Variants in IRF2 observed in about 807,000 individuals in gnomAD.
IRF2 encodes the protein interferon regulatory factor 2.
Under a neutral mutation model 40.6 loss-of-function variants are expected in IRF2, and 15 were observed. The observed-to-expected ratio is 0.37, with a 90% CI of 0.25 to 0.57. IRF2 has a LOEUF of 0.57. Among genes scored for constraint, IRF2 ranks in the 20% least tolerant of loss-of-function variants. The probability of loss-of-function intolerance (pLI) is 0.77; values close to 1 mark genes in which losing one functional copy is unlikely to be tolerated. For synonymous variants in IRF2, 151 were observed against 165.5 expected (o/e 0.91, Z 0.67); for missense variants, 317 against 455.7 (o/e 0.70, Z 2.77).
In IRF2 at chr4:184,431,628, G is replaced by C. The variant is rs376990464; in HGVS notation, c.-6-2558C>G. 2.6e-4 allele frequency among the ~76,000 whole-genome samples: 39 copies of C among 152,214 alleles called. 1 individual carries two copies. The highest frequency in any genetic ancestry group is 9.2e-4 in the African/African-American group (38 of 41,530). On this transcript the variant is annotated intron_variant, in intron 1 of 8. Transcript: ENST00000393593. ...CAAGAAAATAGAGGGAAGAGCGAGGGAAGAGTAGTTACAGGATAGGGGTAG... is the reference window on the plus strand; with the variant it reads ...CAAGAAAATAGAGGGAAGAGCGAGGCAAGAGTAGTTACAGGATAGGGGTAG...
At chr4:184,390,976 C>T (rs1244240575) in intron 7 of IRF2, among the ~76,000 whole-genome samples, 1 of 152,240 alleles carries the variant, frequency 6.6e-6, no homozygotes, top group Non-Finnish European at 1.5e-5. Flanking sequence ...CAGGGCCGGG[C>T]TGTGTATACA....
intron 1 of IRF2, among the ~76,000 whole-genome samples, chr4:184,470,699 A>G (rs1039726100): frequency 2.2e-5 from 3 of 136,296 alleles, no homozygotes; most frequent in East Asian, 2.2e-4. Context: ...CAAAAAAAAA[A>G]AAAAAGAAAA....
At chr4:184,468,505 G>T (rs1739409357) in intron 1 of IRF2, among the ~76,000 whole-genome samples, 1 of 152,038 alleles carries the variant, frequency 6.6e-6, no homozygotes, top group African/African-American at 2.4e-5. Context: ...AAAAAAAAAG[G>T]AAAATTCAAT....
rs1205374737 is a variant in IRF2, at chr4:184,399,006, T to C, written c.603A>G (p.Gln201=). ...CGCTCTCAGTGGTCACCTCTACAAC[T>C]TGGCAAATGTCTGGCGGATTGGTGA... ...EIVTNPPDIC[Q]VVEVTTESDE... The change falls in exon 7 of 9, where the codon CAA becomes CAG. Residue 201 remains glutamine, a synonymous_variant. Transcript: ENST00000393593. 1 of 1,613,674 alleles carries C rather than the reference T, an allele frequency of 6.2e-7. No homozygotes were observed. Among genetic ancestry groups the C allele is most frequent in the Non-Finnish European group, 8.5e-7 (1 of 1,179,880 alleles).
intron 6 of IRF2, among the ~76,000 whole-genome samples, chr4:184,404,828 C>T (rs1736792436): frequency 1.3e-5 from 2 of 152,162 alleles, no homozygotes; most frequent in Non-Finnish European, 2.9e-5. Context: ...ATACACCTCA[C>T]CAGGGTGACA....
chr4:184,449,726 C>A lies in IRF2; in HGVS notation c.-6-20656G>T, dbSNP rs1248809595. ...AATGCTTTAAATGACTTTAGGTTTT[C>A]AAGATACAATCTGGAATGTTGTTTA... On this transcript the variant is annotated intron_variant, in intron 1 of 8. Coordinates refer to ENST00000393593, the MANE Select transcript of IRF2 (RefSeq NM_002199.4). 1.2e-4 allele frequency among the ~76,000 whole-genome samples: 18 copies of A among 152,184 alleles called. 2 individuals are homozygous for A. Among genetic ancestry groups the A allele is most frequent in the Admixed American group, 1.2e-3 (18 of 15,282 alleles).
chr4:184,407,167 A>G (rs1213959593), intron 6 of IRF2: 3 of 1,287,996 alleles, frequency 2.3e-6, no homozygotes, highest in African/African-American at 3.0e-5. Context: ...ATACAAAAAA[A>G]GCACTGCTAA....
At chr4:184,389,141 C>G (rs374328136) in intron 8 of IRF2, 75 bp from the exon 9 acceptor site, 11 of 1,433,290 alleles carry the variant, frequency 7.7e-6, no homozygotes, top group Non-Finnish European at 1.1e-5. Flanking sequence ...CATCACTGGC[C>G]AGGTGTGGTG....
At position 184,390,776 on chromosome 4, in the gene IRF2, C is replaced by T. The variant is rs776858298; in HGVS notation, c.695-27G>A. On this transcript the variant is annotated intron_variant, in intron 7 of 8. Transcript: ENST00000393593. ...TGTTCACAGAGAGAAAAACACAGGGCCATCATTCCTGTCCCTCAAGCTGTC... is the reference window on the plus strand; with the variant it reads ...TGTTCACAGAGAGAAAAACACAGGGTCATCATTCCTGTCCCTCAAGCTGTC... 8 of 1,613,222 alleles carry T rather than the reference C, an allele frequency of 5.0e-6. No homozygotes were observed. The African/African-American group carries it at 5.3e-5, about 11-fold the overall frequency.
Position 184,429,037 on chromosome 4 carries a change from G to T in IRF2, c.28C>A (p.Pro10Thr). ...GAGTTTATCTGCTCCTCCAGCCACG[G>T]GCGCATGCGCATCCTTTCCACCGGC... MPVERMRMR[P>T]WLEEQINSNT... The change falls in exon 2 of 9, where the codon CCG (proline) becomes ACG (threonine). Residue 10 changes from proline to threonine, a missense_variant. Around this residue, in one of 2 missense-constraint regions of IRF2, gnomAD observed 55 missense variants for 121.7 expected, o/e 0.45. Transcript: ENST00000393593. 6.2e-7 allele frequency: 1 copy of T among 1,614,104 alleles called. No individual in the cohort carries two copies. Among genetic ancestry groups the T allele is most frequent in the South Asian group, 1.1e-5 (1 of 91,088 alleles).
chr4:184,438,059 T>A (rs1738153325), intron 1 of IRF2, among the ~76,000 whole-genome samples: 1 of 152,106 alleles, frequency 6.6e-6, no homozygotes, highest in Admixed American at 6.6e-5. Flanking sequence ...ATCATCATCA[T>A]CCCCATCATT....
At chr4:184,454,587 T>C (rs1272297604) in intron 1 of IRF2, among the ~76,000 whole-genome samples, 3 of 152,196 alleles carry the variant, frequency 2.0e-5, no homozygotes, top group Non-Finnish European at 4.4e-5. Flanking sequence ...TAGCCAGAGG[T>C]GGGAGGGTCG....
intron 1 of IRF2, among the ~76,000 whole-genome samples, chr4:184,445,007 C>G (rs901840740): frequency 6.6e-6 from 1 of 152,188 alleles, no homozygotes; most frequent in Admixed American, 6.5e-5. Context: ...CAGGCCCTGC[C>G]GTACCATGGT....
intron 2 of IRF2, chr4:184,428,619 G>A (rs1050544457): frequency 2.6e-5 from 11 of 423,966 alleles, no homozygotes; most frequent in African/African-American, 1.4e-4. Context: ...GCAACATGGC[G>A]AGATCCCAGC....
At chr4:184,471,782 A>G (rs1739522183) in intron 1 of IRF2, 1 of 152,268 alleles carries the variant, frequency 6.6e-6, no homozygotes, top group Non-Finnish European at 1.5e-5. Context: ...TAAGGCTGTC[A>G]GAACTTCATG....
At chr4:184,444,789 T>C (rs1738441901) in intron 1 of IRF2, among the ~76,000 whole-genome samples, 1 of 152,218 alleles carries the variant, frequency 6.6e-6, no homozygotes, top group African/African-American at 2.4e-5. Flanking sequence ...AACTTATGAA[T>C]TGTTTATTTC....
At chr4:184,416,737 A>C (rs1737291123) in intron 5 of IRF2, among the ~76,000 whole-genome samples, 1 of 152,104 alleles carries the variant, frequency 6.6e-6, no homozygotes, top group African/African-American at 2.4e-5. Context: ...GTTCAAAAAA[A>C]AGCTGAACTA....
chr4:184,428,673 C>T (rs867851633), intron 2 of IRF2: 2 of 477,834 alleles, frequency 4.2e-6, no homozygotes, highest in South Asian at 1.6e-5. Flanking sequence ...GTGACGTTTA[C>T]CTGTAGTTCC....
rs369219899 is a variant in IRF2 at position 184,420,283 on chromosome 4, G to A, written c.88-715C>T. 4.6e-3 allele frequency among the ~76,000 whole-genome samples: 700 copies of A among 152,228 alleles called. 12 individuals are homozygous for A. The highest frequency in any genetic ancestry group is 0.016 in the African/African-American group (655 of 41,510). ...TAAATAGTAACTCCAGCTATCTTAGGTAAATTAAAAATTAGACAAGTTTCC... is the reference window on the plus strand; with the variant it reads ...TAAATAGTAACTCCAGCTATCTTAGATAAATTAAAAATTAGACAAGTTTCC... On this transcript the variant is annotated intron_variant, in intron 2 of 8. Transcript: ENST00000393593.
Sources: allele counts gnomAD v4.1 joint callset (sites outside exome capture counted in the v4.1 genomes callset), GRCh38; gene constraint gnomAD v4.1.1; regional missense constraint gnomAD v4.1.1; transcripts MANE v1.5; gene names NCBI Gene and HGNC (gene_info 2026-07-23, HGNC 2026-07-21).